STK11IP: variants seen among roughly 807,000 people sequenced by gnomAD.
STK11IP encodes the protein serine/threonine-protein kinase 11-interacting protein.
A neutral mutation model predicts 131.7 loss-of-function variants in STK11IP; 103 were observed. That is an observed-to-expected ratio of 0.78 (90% CI 0.67 to 0.92). The LOEUF (loss-of-function observed/expected upper bound fraction) is 0.92, where lower values mean the gene tolerates loss of function less well. Among genes scored for constraint, STK11IP ranks in the 40% least tolerant of loss-of-function variants. STK11IP has a pLI of 0.00. For synonymous variants in STK11IP, 557 were observed against 575.6 expected, an observed-to-expected ratio of 0.97 and a Z score of 0.46; for missense variants, 1,315 against 1,385.7, an observed-to-expected ratio of 0.95 and a Z score of 0.81.
At position 219,607,125 on chromosome 2, in the gene STK11IP, C is replaced by G; in HGVS notation, c.1207C>G (p.Pro403Ala). The G allele has an allele frequency of 1.2e-6, 2 of 1,613,922 alleles. No individual in the cohort carries two copies. Among genetic ancestry groups the G allele is most frequent in the Non-Finnish European group, 1.7e-6 (2 of 1,179,894 alleles). The part of the protein sequence containing the change: ...DTDPEPRTLN[P>A]SPAGWFVQQH... ...GGACCCGGAGCCCCGAACTCTGAAC[C>G]CCTCTCCGGCTGGTAAGTCAGCTTC... The change falls in exon 13 of 25, where the codon CCC becomes GCC. Residue 403 changes from proline (P) to alanine (A), a missense_variant. Physicochemically the swap from Pro to Ala is conservative, Grantham distance 27. Coordinates refer to ENST00000456909, the MANE Select transcript of STK11IP (RefSeq NM_052902.4).
chr2:219,604,173 A>C (rs1169136048), intron 7 of STK11IP, among the ~76,000 whole-genome samples: 1 of 152,188 alleles, frequency 6.6e-6, no homozygotes, highest in Non-Finnish European at 1.5e-5. Flanking sequence ...AGGGGGCTAG[A>C]GTCACCATTC....
rs867968455 is a variant in STK11IP at position 219,608,285 on chromosome 2, G to A, written c.1458G>A (p.Met486Ile). 6.2e-7 allele frequency: 1 copy of A among 1,612,516 alleles called. No individual in the cohort carries two copies. Among genetic ancestry groups the A allele is most frequent in the South Asian group, 1.1e-5 (1 of 90,936 alleles). Reference protein sequence around the residue: ...ARGPQESPQKMSEEVRAEPQE... With the variant: ...ARGPQESPQKISEEVRAEPQE... ...GCCCCCAGGAGTCACCACAGAAAATGTCAGAGGAGGTCAGGGCGGAGCCAC... is the reference window on the plus strand; with the variant it reads ...GCCCCCAGGAGTCACCACAGAAAATATCAGAGGAGGTCAGGGCGGAGCCAC... Residue 486 changes from methionine to isoleucine, a missense_variant, in exon 14 of 25, where the codon ATG (methionine) becomes ATA (isoleucine). Met to Ile is a conservative substitution (Grantham distance 10, BLOSUM62 1). Coordinates refer to ENST00000456909, the MANE Select transcript of STK11IP (RefSeq NM_052902.4).
chr2:219,610,226 A>T (rs1486409463), intron 17 of STK11IP: 1 of 153,834 alleles, frequency 6.5e-6, no homozygotes, highest in Admixed American at 6.4e-5. Flanking sequence ...GCCCTGCTCC[A>T]TTCCCCACTG....
Position 219,613,183 on chromosome 2 carries a change from C to CT in STK11IP, c.2496dup (p.Asp833Ter). The CT allele has an allele frequency of 6.2e-7, 1 of 1,605,052 alleles. No homozygotes were observed. The highest frequency in any genetic ancestry group is 1.1e-5 in the South Asian group (1 of 90,930). ...GAGTTCATGTGCCTTGTGGTTGTGTCTGACCGCAGGCTGTACCTGTTGAAG... is the reference window on the plus strand; with the variant it reads ...GAGTTCATGTGCCTTGTGGTTGTGTCTTGACCGCAGGCTGTACCTGTTGAAG... On this transcript the variant is annotated frameshift_variant, in exon 20 of 25. Transcript: ENST00000456909. LOFTEE classifies it high-confidence loss of function.
chr2:219,603,527 CTT>C (rs953018663), intron 7 of STK11IP, among the ~76,000 whole-genome samples: 2 of 140,452 alleles, frequency 1.4e-5, no homozygotes, highest in Non-Finnish European at 1.6e-5. Flanking sequence ...TTTTTTTTTT[CTT>C]TTTTTTTTTG....
rs944061300 is a variant in STK11IP, at chr2:219,611,470, C to T, written c.2105-134C>T. The stretch of plus-strand genomic sequence containing the variant: ...GGGAGAGGGAGCTGGTGGCCTGGGG[C>T]GCGGTGGTTGTGTATGAAGCTGGAG... On this transcript the variant is annotated intron_variant, in intron 17 of 24. Coordinates refer to ENST00000456909, the MANE Select transcript of STK11IP (RefSeq NM_052902.4). 33 of 719,246 alleles carry T rather than the reference C, an allele frequency of 4.6e-5. No homozygotes were observed. In the East Asian group the frequency reaches 7.5e-4, roughly 16 times the overall value. The allele number at this position is 719,246 out of a possible 1,614,324, so 44.6% of individuals were successfully genotyped here.
chr2:219,613,171 T>A lies in STK11IP; in HGVS notation c.2483T>A (p.Leu828His). ...GGCCACACTGGGGAGTTCATGTGCC[T>A]TGTGGTTGTGTCTGACCGCAGGCTG... is the stretch of plus-strand genomic sequence containing the variant. ...LAGHTGEFMC[L>H]VVVSDRRLYL... is the part of the protein sequence containing the mutation. Residue 828 changes from leucine (L) to histidine (H), a missense_variant, in exon 20 of 25, where the codon CTT becomes CAT. Physicochemically the swap from Leu to His is moderately conservative, Grantham distance 99. Coordinates refer to ENST00000456909, the MANE Select transcript of STK11IP (RefSeq NM_052902.4). 1.2e-6 allele frequency: 2 copies of A among 1,610,600 alleles called. No individual in the cohort carries two copies. The highest frequency in any genetic ancestry group is 1.7e-6 in the Non-Finnish European group (2 of 1,178,720).
At position 219,611,768 on chromosome 2, in the gene STK11IP, AG is replaced by A. The variant is rs747491069; in HGVS notation, c.2272del (p.Ala758ProfsTer82). ...TCCTGGCCATGGTGACCACCTTGAC[AG>A]GGCCAAGAACAGCCCACCTCAGGCA... ...HPPGHGDHLD[R>X]AKNSPPQAPS... On this transcript the variant is annotated frameshift_variant, in exon 18 of 25. Coordinates refer to ENST00000456909, the MANE Select transcript of STK11IP (RefSeq NM_052902.4). LOFTEE classifies it high-confidence loss of function. 6.2e-7 allele frequency: 1 copy of A among 1,613,032 alleles called. No homozygotes were observed. Among genetic ancestry groups the A allele is most frequent in the South Asian group, 1.1e-5 (1 of 91,078 alleles).
At chr2:219,610,679 G>A (rs556978360) in intron 17 of STK11IP, among the ~76,000 whole-genome samples, 69 of 152,280 alleles carry the variant, frequency 4.5e-4, no homozygotes, top group South Asian at 8.3e-4. Context: ...GATTACAGGC[G>A]TGAGCCACCA....
intron 2 of STK11IP, 133 bp downstream of exon 2, chr2:219,598,313 C>G: frequency 1.5e-6 from 1 of 666,576 alleles, no homozygotes; most frequent in Non-Finnish European, 2.4e-6. Flanking sequence ...AATTTCTTTA[C>G]TTTTCCCAGG....
chr2:219,598,032 G>A, intron 1 of STK11IP, 62 bp from the exon 2 acceptor site: 2 of 1,566,844 alleles, frequency 1.3e-6, no homozygotes, highest in Non-Finnish European at 1.7e-6. Flanking sequence ...TTGCGCGGAC[G>A]CCCTGGGCTT....
chr2:219,613,710 C>T (rs774341868), intron 20 of STK11IP, 42 bp from the exon 21 acceptor site: 17 of 1,611,066 alleles, frequency 1.1e-5, no homozygotes, highest in Admixed American at 3.3e-5. Context: ...ACTCTCACTC[C>T]ACTCTCATGC....
intron 15 of STK11IP, 102 bp downstream of exon 15, chr2:219,608,890 A>T (rs1437136853): frequency 7.7e-7 from 1 of 1,304,100 alleles, no homozygotes; most frequent in African/African-American, 1.5e-5. Context: ...TCTCCTTGGC[A>T]CTAGGAGCCG....
At position 219,607,099 on chromosome 2, in the gene STK11IP, C is replaced by T. The variant is rs372789253; in HGVS notation, c.1181C>T (p.Thr394Met). ...RRASISEPSD[T>M]DPEPRTLNPS... ...GCAAGCATCTCTGAACCCAGTGATA[C>T]GGACCCGGAGCCCCGAACTCTGAAC... is the stretch of plus-strand genomic sequence containing the variant. Residue 394 changes from threonine to methionine, a missense_variant, in exon 13 of 25, where the codon ACG (threonine) becomes ATG (methionine). By Grantham distance (81) the Thr-to-Met change is moderately conservative (BLOSUM62 -1). Transcript: ENST00000456909. 2.7e-5 allele frequency: 43 copies of T among 1,613,782 alleles called. No homozygotes were observed. The Middle Eastern group carries it at 1.2e-3, about 43-fold the overall frequency.
Position 219,606,289 on chromosome 2 carries a change from G to A in STK11IP, c.944G>A (p.Gly315Asp). The change falls in exon 10 of 25, where the codon GGC (glycine) becomes GAC (aspartate). Residue 315 changes from glycine (G) to aspartate (D), a missense_variant and splice_region_variant. By Grantham distance (94) the Gly-to-Asp change is moderately conservative (BLOSUM62 -1). Coordinates refer to ENST00000456909, the MANE Select transcript of STK11IP (RefSeq NM_052902.4). Reference sequence around the variant, plus strand: ...CCCCGGGCCAGGGATGCTGCTACTGGCGTGAGTGATCGTCCTGTGTCCACT... The same window carrying A: ...CCCCGGGCCAGGGATGCTGCTACTGACGTGAGTGATCGTCCTGTGTCCACT... ...LSPRARDAAT[G>D]FLLDGKVLSL... 6.4e-7 allele frequency: 1 copy of A among 1,563,746 alleles called. No homozygotes were observed. The highest frequency in any genetic ancestry group is 8.7e-7 in the Non-Finnish European group (1 of 1,153,766).
At chr2:219,611,934 A>G (rs1429985771) in intron 18 of STK11IP, 21 bp from the exon 19 acceptor site, 7 of 1,581,014 alleles carry the variant, frequency 4.4e-6, no homozygotes, top group Non-Finnish European at 5.2e-6. Flanking sequence ...GGGCAGGCTG[A>G]TGCCCCCTCA....
At chr2:219,600,847 G>A (rs1206625441) in intron 2 of STK11IP, among the ~76,000 whole-genome samples, 6 of 152,184 alleles carry the variant, frequency 3.9e-5, no homozygotes, top group African/African-American at 9.7e-5. Context: ...TTCTTGAGGC[G>A]GCTTCCTGGA....
At chr2:219,602,876 C>G in intron 7 of STK11IP, 100 bp downstream of exon 7, 1 of 1,193,678 alleles carries the variant, frequency 8.4e-7, no homozygotes, top group Non-Finnish European at 1.2e-6. Flanking sequence ...CTTGCTCTTG[C>G]CATGAGGGTG....
intron 24 of STK11IP, 142 bp from the exon 25 acceptor site, chr2:219,615,902 T>G: frequency 9.2e-7 from 1 of 1,088,016 alleles, no homozygotes; most frequent in South Asian, 1.4e-5. Context: ...TCAGGATCTT[T>G]TATGGGGAGT....
Sources: allele counts gnomAD v4.1 joint callset (sites outside exome capture counted in the v4.1 genomes callset), GRCh38; gene constraint gnomAD v4.1.1; transcripts MANE v1.5; gene names NCBI Gene and HGNC (gene_info 2026-07-23, HGNC 2026-07-21).